Variants in AFF3 observed in about 807,000 individuals in gnomAD.
AFF3 encodes AF4/FMR2 family member 3.
A neutral mutation model predicts 129.7 loss-of-function variants in AFF3; 32 were observed. The observed-to-expected ratio is 0.25, with a 90% CI of 0.19 to 0.33. The LOEUF (loss-of-function observed/expected upper bound fraction) is 0.33. Ranked by LOEUF, AFF3 falls within the 10% of genes least tolerant of loss-of-function variation. The pLI, the probability that AFF3 is intolerant of heterozygous loss-of-function variation, is 1.00. For synonymous variants in AFF3, 644 were observed against 635.4 expected (o/e 1.01, Z -0.20); for missense variants, 1,373 against 1,592.0 (o/e 0.86, Z 2.34).
intron 4 of AFF3, among the ~76,000 whole-genome samples, chr2:100,060,663 A>C (rs933755084): frequency 6.6e-6 from 1 of 152,160 alleles, no homozygotes; most frequent in Non-Finnish European, 1.5e-5. Flanking sequence ...AAACTTTACA[A>C]AGATAGTGCA....
intron 12 of AFF3, among the ~76,000 whole-genome samples, chr2:99,650,312 A>G (rs1422767901): frequency 2.0e-5 from 3 of 152,218 alleles, no homozygotes; most frequent in Non-Finnish European, 4.4e-5. Flanking sequence ...TAATCCCAGC[A>G]CTTTGGGAGG....
chr2:99,560,251 T>C, intron 21 of AFF3, 114 bp downstream of exon 21: 4 of 1,146,000 alleles, frequency 3.5e-6, no homozygotes, highest in Non-Finnish European at 5.2e-6. Context: ...AGAACTGCTC[T>C]GGGGCTTTGT....
In AFF3 at chr2:100,007,323, A is replaced by T. The variant is rs1423247231; in HGVS notation, c.312T>A (p.Pro104=). 7 of 1,614,062 alleles carry T rather than the reference A, an allele frequency of 4.3e-6. No individual in the cohort carries two copies. In the Admixed American group the frequency reaches 8.3e-5, roughly 19 times the overall value. The change falls in exon 6 of 25, where the codon CCT becomes CCA. Residue 104 remains proline, a synonymous_variant. Coordinates refer to ENST00000672756, the MANE Select transcript of AFF3 (RefSeq NM_001386135.1). ...CAAAATGTTCATCGATCTTGTTCAC[A>T]GGAGTCTGAGGAACCCCAGGTTTGG... is the stretch of plus-strand genomic sequence containing the variant. ...GVPKPGVPQT[P]VNKIDEHFVA... is the part of the protein sequence containing the mutation.
intron 4 of AFF3, among the ~76,000 whole-genome samples, chr2:100,051,696 G>A (rs1573263540): frequency 6.6e-6 from 1 of 152,242 alleles, no homozygotes; most frequent in East Asian, 1.9e-4. Flanking sequence ...GTAAGTGTCC[G>A]CCTCTGTGTG....
At chr2:100,016,163 T>A (rs1282567071) in intron 4 of AFF3, among the ~76,000 whole-genome samples, 1 of 150,360 alleles carries the variant, frequency 6.7e-6, no homozygotes, top group African/African-American at 2.5e-5. Context: ...GAGGTGCTGG[T>A]GGTGGTGGTA....
intron 18 of AFF3, among the ~76,000 whole-genome samples, chr2:99,573,712 C>T (rs931331342): frequency 5.9e-5 from 9 of 152,192 alleles, no homozygotes; most frequent in African/African-American, 9.7e-5. Context: ...CAGCGCCTGG[C>T]GTCTATAGTC....
At chr2:99,942,781 G>C (rs1460237148) in intron 7 of AFF3, among the ~76,000 whole-genome samples, 1 of 152,040 alleles carries the variant, frequency 6.6e-6, no homozygotes, top group Non-Finnish European at 1.5e-5. Flanking sequence ...CTAGAGCCAG[G>C]GGATTCCCAT....
chr2:99,828,351 A>G (rs1688259437), intron 8 of AFF3, among the ~76,000 whole-genome samples: 3 of 152,180 alleles, frequency 2.0e-5, no homozygotes, highest in African/African-American at 7.2e-5. Flanking sequence ...CTGCCCTGGC[A>G]GTGAGATCCA....
chr2:99,564,144 T>C (rs1448023309), intron 20 of AFF3, among the ~76,000 whole-genome samples: 2 of 152,242 alleles, frequency 1.3e-5, no homozygotes, highest in Admixed American at 6.5e-5. Flanking sequence ...CTTAATTGTT[T>C]ATTAAGCACA....
intron 4 of AFF3, among the ~76,000 whole-genome samples, chr2:100,043,919 C>T (rs1227786052): frequency 6.6e-6 from 1 of 152,218 alleles, no homozygotes. Context: ...TGTTCATCCT[C>T]ACTTAAATTT....
chr2:99,862,431 C>T (rs1222353387), intron 7 of AFF3, among the ~76,000 whole-genome samples: 4 of 152,192 alleles, frequency 2.6e-5, no homozygotes, highest in East Asian at 1.9e-4. Context: ...ATATGACCTA[C>T]GTACATGCCT....
chr2:99,963,718 A>G (rs1428056258), intron 7 of AFF3, among the ~76,000 whole-genome samples: 1 of 152,080 alleles, frequency 6.6e-6, no homozygotes, highest in Non-Finnish European at 1.5e-5. Flanking sequence ...CAATTAAGAA[A>G]ATAGAAACAG....
chr2:99,955,594 A>AT (rs1456440662), intron 7 of AFF3, among the ~76,000 whole-genome samples: 1 of 152,218 alleles, frequency 6.6e-6, no homozygotes, highest in Non-Finnish European at 1.5e-5. Flanking sequence ...CCAGTTGAAA[A>AT]TGTCTAATTC....
At chr2:99,678,072 T>G (rs1284293312) in intron 11 of AFF3, among the ~76,000 whole-genome samples, 1 of 152,212 alleles carries the variant, frequency 6.6e-6, no homozygotes, top group Non-Finnish European at 1.5e-5. Flanking sequence ...CTCCCAGGGG[T>G]GGTTCCCCTC....
intron 7 of AFF3, among the ~76,000 whole-genome samples, chr2:99,840,717 G>T (rs1174983113): frequency 6.6e-6 from 1 of 152,084 alleles, no homozygotes; most frequent in Non-Finnish European, 1.5e-5. Context: ...CTGACACTCT[G>T]ATACAACTGG....
At chr2:99,964,726 A>G (rs1677572906) in intron 7 of AFF3, among the ~76,000 whole-genome samples, 2 of 152,234 alleles carry the variant, frequency 1.3e-5, no homozygotes, top group Admixed American at 6.5e-5. Flanking sequence ...GCAATGTACA[A>G]AAAGAATTAT....
At chr2:99,819,755 G>T (rs1687504498) in intron 8 of AFF3, among the ~76,000 whole-genome samples, 2 of 152,230 alleles carry the variant, frequency 1.3e-5, no homozygotes, top group African/African-American at 4.8e-5. Context: ...GTTGAACGCA[G>T]GAGTGGCTGA....
chr2:99,587,770 G>C (rs1186239888), intron 15 of AFF3, among the ~76,000 whole-genome samples: 7 of 152,142 alleles, frequency 4.6e-5, no homozygotes, highest in Admixed American at 2.0e-4. Flanking sequence ...CCAGCACTTT[G>C]GGAGGCCGAG....
chr2:99,891,558 C>G (rs1693551923), intron 7 of AFF3, among the ~76,000 whole-genome samples: 1 of 152,232 alleles, frequency 6.6e-6, no homozygotes, highest in African/African-American at 2.4e-5. Flanking sequence ...TCTCTTACCC[C>G]TGCTGCAGGT....
Sources: gnomAD v4.1 joint callset for allele counts (sites outside exome capture counted in the v4.1 genomes callset) on GRCh38, gnomAD v4.1.1 for gene constraint, MANE v1.5 for transcripts, NCBI Gene and HGNC (gene_info 2026-07-23, HGNC 2026-07-21) for gene names.